Variants in ANKRD29 observed in about 807,000 individuals in gnomAD.
ANKRD29 encodes ankyrin repeat domain-containing protein 29.
ANKRD29 carries 32 observed loss-of-function variants against 38.0 expected under a neutral mutation model. That is an observed-to-expected ratio of 0.84 (90% CI 0.64 to 1.13). The LOEUF (loss-of-function observed/expected upper bound fraction) is 1.13. Ranked by LOEUF, ANKRD29 falls within the 50% of genes most tolerant of loss-of-function variation. ANKRD29 has a pLI of 0.00. For missense variants in ANKRD29, 357 were observed against 377.9 expected, an observed-to-expected ratio of 0.94 and a Z score of 0.46; for synonymous variants, 135 against 152.4, an observed-to-expected ratio of 0.89 and a Z score of 0.84.
At chr18:23,624,358 T>A (rs554180125) in intron 6 of ANKRD29, among the ~76,000 whole-genome samples, 2 of 148,760 alleles carry the variant, frequency 1.3e-5, no homozygotes, top group South Asian at 4.2e-4. Context: ...TCCCAGCAAC[T>A]CAGGATTCTG....
At chr18:23,628,657 T>G (rs1194701775) in intron 6 of ANKRD29, among the ~76,000 whole-genome samples, 1 of 151,878 alleles carries the variant, frequency 6.6e-6, no homozygotes, top group African/African-American at 2.4e-5. Flanking sequence ...GCAACATGGC[T>G]CTCTACCAAA....
intron 3 of ANKRD29, among the ~76,000 whole-genome samples, chr18:23,642,565 G>A (rs991717292): frequency 6.6e-6 from 1 of 152,192 alleles, no homozygotes; most frequent in African/African-American, 2.4e-5. Context: ...GGGCTGGTAG[G>A]GTGAACCAAG....
At chr18:23,657,647 C>T (rs907999938) in intron 1 of ANKRD29, among the ~76,000 whole-genome samples, 7 of 152,116 alleles carry the variant, frequency 4.6e-5, no homozygotes, top group Admixed American at 1.3e-4. Flanking sequence ...ATGGATTTGC[C>T]GATTTTGGAC....
At chr18:23,608,057 A>G (rs2059594954) in intron 9 of ANKRD29, among the ~76,000 whole-genome samples, 1 of 152,192 alleles carries the variant, frequency 6.6e-6, no homozygotes, top group South Asian at 2.1e-4. Context: ...TTTCTCCTGG[A>G]AGCCTCCAAA....
chr18:23,621,374 C>T (rs1020365957), intron 6 of ANKRD29, among the ~76,000 whole-genome samples: 3 of 152,038 alleles, frequency 2.0e-5, no homozygotes, highest in African/African-American at 4.8e-5. Flanking sequence ...TGAGCTGGGT[C>T]GGGGAAGCTG....
intron 9 of ANKRD29, among the ~76,000 whole-genome samples, chr18:23,605,598 C>T (rs2059565636): frequency 6.6e-6 from 1 of 152,006 alleles, no homozygotes; most frequent in South Asian, 2.1e-4. Context: ...GAGGTCTCGG[C>T]TCACTGCAAC....
chr18:23,612,274 G>T, intron 8 of ANKRD29, 84 bp from the exon 9 acceptor site: 1 of 1,233,512 alleles, frequency 8.1e-7, no homozygotes, highest in Non-Finnish European at 1.2e-6. Flanking sequence ...CCATCTGGGT[G>T]ATAAGACTGT....
At chr18:23,622,090 T>C (rs578126039) in intron 6 of ANKRD29, among the ~76,000 whole-genome samples, 2 of 151,868 alleles carry the variant, frequency 1.3e-5, no homozygotes, top group South Asian at 4.2e-4. Context: ...ATCAAACAGG[T>C]GGGAGGGCTG....
At chr18:23,646,034 T>G (rs2060135172) in intron 3 of ANKRD29, among the ~76,000 whole-genome samples, 155 bp downstream of exon 3, 1 of 152,208 alleles carries the variant, frequency 6.6e-6, no homozygotes, top group East Asian at 1.9e-4. Context: ...GCTAGTACGT[T>G]GCTGGACCTC....
At chr18:23,634,295 T>G (rs1598502258) in intron 4 of ANKRD29, 146 bp from the exon 5 acceptor site, 6 of 297,134 alleles carry the variant, frequency 2.0e-5, no homozygotes, top group African/African-American at 1.1e-4. Context: ...TTTTTTTTTT[T>G]TTTTTTTTTT....
intron 4 of ANKRD29, 90 bp downstream of exon 4, chr18:23,638,759 C>T: frequency 9.5e-7 from 1 of 1,049,638 alleles, no homozygotes; most frequent in Non-Finnish European, 1.4e-6. Context: ...AAAAGGGAAA[C>T]ATAAATTCGT....
intron 9 of ANKRD29, among the ~76,000 whole-genome samples, chr18:23,608,773 A>AC (rs1221816979): frequency 3.9e-5 from 6 of 152,076 alleles, no homozygotes; most frequent in Admixed American, 1.3e-4. Flanking sequence ...TCCCGAAAAG[A>AC]CCCCCTTCTT....
At position 23,649,187 on chromosome 18, in the gene ANKRD29, T is replaced by C. The variant is rs1201519527; in HGVS notation, c.28A>G (p.Thr10Ala). The part of the protein sequence containing the change: MCRMSFKKE[T>A]PLANAAFWAA... ...CAGAATGCAGCATTGGCAAGTGGAG[T>C]TTCCTTCTGCAAGAACAAAATGAAA... The change falls in exon 2 of 10, where the codon ACT becomes GCT. Residue 10 changes from threonine to alanine, a missense_variant. Coordinates refer to ENST00000592179, the MANE Select transcript of ANKRD29 (RefSeq NM_173505.4). 6.2e-7 allele frequency: 1 copy of C among 1,612,490 alleles called. No individual in the cohort carries two copies. The highest frequency in any genetic ancestry group is 1.1e-5 in the South Asian group (1 of 90,834).
chr18:23,644,279 T>C (rs1798583518), intron 3 of ANKRD29, among the ~76,000 whole-genome samples: 1 of 152,262 alleles, frequency 6.6e-6, no homozygotes, highest in Admixed American at 6.5e-5. Flanking sequence ...TTTGTGCATG[T>C]GCAATTTGTC....
At chr18:23,614,250 C>T (rs891455145) in intron 8 of ANKRD29, among the ~76,000 whole-genome samples, 6 of 151,842 alleles carry the variant, frequency 4.0e-5, no homozygotes, top group East Asian at 3.9e-4. Context: ...TTAGTAGAGA[C>T]GGGGTTTCAC....
intron 5 of ANKRD29, among the ~76,000 whole-genome samples, chr18:23,633,528 G>T (rs981076600): frequency 6.6e-6 from 1 of 152,128 alleles, no homozygotes; most frequent in African/African-American, 2.4e-5. Flanking sequence ...CTGCACAACA[G>T]ATTTAAAAGG....
intron 3 of ANKRD29, among the ~76,000 whole-genome samples, chr18:23,641,920 G>A (rs1034888145): frequency 2.0e-5 from 3 of 152,066 alleles, no homozygotes; most frequent in Non-Finnish European, 2.9e-5. Context: ...TACCAGCTGC[G>A]GGAGGAGCTA....
chr18:23,655,194 C>A (rs932540419), intron 1 of ANKRD29, among the ~76,000 whole-genome samples: 1 of 144,240 alleles, frequency 6.9e-6, no homozygotes, highest in Non-Finnish European at 1.5e-5. Context: ...GTGAACCCCC[C>A]TCTTGGCCCA....
intron 1 of ANKRD29, among the ~76,000 whole-genome samples, chr18:23,655,253 G>C (rs2060264130): frequency 6.6e-6 from 1 of 151,026 alleles, no homozygotes; most frequent in Non-Finnish European, 1.5e-5. Flanking sequence ...CAGGAAGGGA[G>C]GTCTGATATA....
Sources: allele counts gnomAD v4.1 joint callset (sites outside exome capture counted in the v4.1 genomes callset), GRCh38; gene constraint gnomAD v4.1.1; transcripts MANE v1.5; gene names NCBI Gene and HGNC (gene_info 2026-07-23, HGNC 2026-07-21).